Variants in RNF111 observed in about 807,000 individuals in gnomAD.
The protein encoded by RNF111 is ring finger protein 111.
Under a neutral mutation model 95.1 loss-of-function variants are expected in RNF111, and 17 were observed. The observed-to-expected ratio is 0.18, with a 90% CI of 0.12 to 0.27. The LOEUF is 0.27. Among genes scored for constraint, RNF111 ranks in the 10% least tolerant of loss-of-function variants. RNF111 has a pLI of 1.00. For synonymous variants in RNF111, 440 were observed against 414.8 expected (o/e 1.06, Z -0.74); for missense variants, 1,189 against 1,210.4 (o/e 0.98, Z 0.26).
chr15:59,036,394 T>C (rs1368973385), intron 2 of RNF111, among the ~76,000 whole-genome samples: 2 of 152,140 alleles, frequency 1.3e-5, no homozygotes, highest in Non-Finnish European at 2.9e-5. Context: ...AGAGGTTTAA[T>C]TGACTCACAG....
chr15:58,990,878 T>C (rs180921048), intron 1 of RNF111, among the ~76,000 whole-genome samples: 41 of 152,162 alleles, frequency 2.7e-4, no homozygotes, highest in African/African-American at 9.6e-4. Flanking sequence ...CATTTGAATG[T>C]CTTATACCTC....
intron 1 of RNF111, among the ~76,000 whole-genome samples, chr15:59,008,828 A>G (rs182544306): frequency 6.6e-6 from 1 of 152,292 alleles, no homozygotes; most frequent in East Asian, 1.9e-4. Context: ...GGTTTACACT[A>G]TGCATCTTTG....
chr15:59,074,722 A>C (rs1335588437), intron 6 of RNF111, among the ~76,000 whole-genome samples: 1 of 152,162 alleles, frequency 6.6e-6, no homozygotes, highest in Non-Finnish European at 1.5e-5. Flanking sequence ...TGTTCACTGG[A>C]GTGCTTTCAG....
intron 1 of RNF111, among the ~76,000 whole-genome samples, chr15:58,989,267 G>A (rs1347669272): frequency 2.6e-5 from 4 of 152,206 alleles, no homozygotes; most frequent in African/African-American, 7.2e-5. Flanking sequence ...AGATGGATAA[G>A]AAGGAAGCCC....
At chr15:59,023,538 A>G (rs1293795494) in intron 1 of RNF111, among the ~76,000 whole-genome samples, 1 of 152,082 alleles carries the variant, frequency 6.6e-6, no homozygotes, top group Non-Finnish European at 1.5e-5. Context: ...TTTTATTTAT[A>G]TATTTTTGGT....
rs2079149128 is a variant in RNF111 at position 59,094,772 on chromosome 15, G to A, written c.2844-11G>A. On this transcript the variant is annotated splice_polypyrimidine_tract_variant and intron_variant, in intron 13 of 13. Transcript: ENST00000348370. ...ATTAATTTTTGCTTTTTGTTTTCTT[G>A]CCAATAATAGACGTCTTCCATGTAT... 1 of 1,500,522 alleles carries A rather than the reference G, an allele frequency of 6.7e-7. No homozygotes were observed. Among genetic ancestry groups the A allele is most frequent in the South Asian group, 1.1e-5 (1 of 88,512 alleles). 93.0% of individuals were successfully genotyped at this position (1,500,522 alleles called of 1,614,324 possible). A position where few individuals can be genotyped will look rare whatever the true frequency, so the allele number is the denominator to read the frequency against.
At position 59,030,962 on chromosome 15, in the gene RNF111, A is replaced by G. The variant is rs149869910; in HGVS notation, c.140A>G (p.Lys47Arg). The change falls in exon 2 of 14, where the codon AAA becomes AGA. Residue 47 changes from lysine (K) to arginine (R), a missense_variant. By Grantham distance (26) the Lys-to-Arg change is conservative. This residue lies in a region of RNF111 where 1,024 missense variants were observed against 925.9 expected (regional missense o/e 1.11). Transcript: ENST00000348370. ...LLHPEPIGAA[K>R]SFPAGVEMIN... ...CATCCAGAGCCCATTGGGGCAGCCA[A>G]AAGTTTTCCTGCAGGAGTTGAGATG... The G allele has an allele frequency of 3.4e-4, 549 of 1,614,212 alleles. No individual in the cohort carries two copies. Among genetic ancestry groups the G allele is most frequent in the Non-Finnish European group, 4.3e-4 (511 of 1,180,032 alleles).
chr15:59,051,114 A>C (rs1271610321), intron 2 of RNF111, among the ~76,000 whole-genome samples: 1 of 152,218 alleles, frequency 6.6e-6, no homozygotes, highest in Non-Finnish European at 1.5e-5. Flanking sequence ...ATAAGGATGC[A>C]CTTTCCAAGT....
rs145457741 is a variant in RNF111, at chr15:59,031,367, A to G, written c.545A>G (p.His182Arg). The G allele has an allele frequency of 1.5e-5, 24 of 1,614,196 alleles. No individual in the cohort carries two copies. In the African/African-American group the frequency reaches 2.8e-4, roughly 19 times the overall value. Reference protein sequence around the residue: ...AKSRSHSARSHKWPRTETESV... With the variant: ...AKSRSHSARSRKWPRTETESV... ...AGTAGAAGCCATAGTGCACGGTCTC[A>G]TAAGTGGCCTCGGACTGAGACAGAA... Residue 182 changes from histidine (H) to arginine (R), a missense_variant, in exon 2 of 14, where the codon CAT becomes CGT. By Grantham distance (29) the His-to-Arg change is conservative. Coordinates refer to ENST00000348370, the MANE Select transcript of RNF111 (RefSeq NM_017610.8).
intron 7 of RNF111, among the ~76,000 whole-genome samples, chr15:59,078,905 T>G (rs1277891982): frequency 2.0e-5 from 3 of 151,790 alleles, no homozygotes; most frequent in Non-Finnish European, 4.4e-5. Context: ...TAAGGCTACT[T>G]ACGATTAATC....
intron 6 of RNF111, among the ~76,000 whole-genome samples, 198 bp downstream of exon 6, chr15:59,067,281 C>T (rs1298325184): frequency 2.0e-5 from 3 of 149,426 alleles, no homozygotes; most frequent in Admixed American, 1.3e-4. Flanking sequence ...TCCTTCCTTT[C>T]CTCTCTTCCC....
At chr15:58,991,170 T>C (rs1370594361) in intron 1 of RNF111, among the ~76,000 whole-genome samples, 2 of 151,834 alleles carry the variant, frequency 1.3e-5, no homozygotes, top group Non-Finnish European at 2.9e-5. Context: ...GGTGGTGGCA[T>C]GCGCCTGTAA....
intron 8 of RNF111, 30 bp from the exon 9 acceptor site, chr15:59,084,099 C>A: frequency 6.5e-7 from 1 of 1,540,934 alleles, no homozygotes. Context: ...CAATTATTTC[C>A]AGTGGTCTTT....
intron 1 of RNF111, among the ~76,000 whole-genome samples, chr15:59,011,202 C>T (rs1367303885): frequency 6.6e-6 from 1 of 152,124 alleles, no homozygotes; most frequent in East Asian, 1.9e-4. Flanking sequence ...ACTGTCTTAT[C>T]CTTCCTGGAA....
intron 1 of RNF111, among the ~76,000 whole-genome samples, chr15:59,028,234 CTTACA>C (rs1306020057): frequency 1.6e-4 from 24 of 152,192 alleles, no homozygotes; most frequent in Non-Finnish European, 3.1e-4. Flanking sequence ...TAAAGGGAAT[CTTACA>C]TTATGTTATC....
intron 10 of RNF111, among the ~76,000 whole-genome samples, chr15:59,087,591 AT>A (rs1208670750): frequency 2.0e-5 from 3 of 152,252 alleles, no homozygotes; most frequent in East Asian, 3.8e-4. Context: ...GTAGAAAAAA[AT>A]GTTAAGAAAA....
intron 3 of RNF111, among the ~76,000 whole-genome samples, chr15:59,054,966 C>A (rs1026831849): frequency 1.3e-5 from 2 of 152,152 alleles, no homozygotes; most frequent in Non-Finnish European, 2.9e-5. Context: ...CCCTGTATGT[C>A]CTTAGTCCAA....
At chr15:59,074,579 T>G (rs1215197438) in intron 6 of RNF111, among the ~76,000 whole-genome samples, 14 of 152,224 alleles carry the variant, frequency 9.2e-5, no homozygotes, top group Non-Finnish European at 2.9e-5. Flanking sequence ...TTCATAGAAT[T>G]GAAGAGTTAG....
chr15:59,046,300 C>T (rs775771288), intron 2 of RNF111, among the ~76,000 whole-genome samples: 6 of 150,138 alleles, frequency 4.0e-5, no homozygotes, highest in African/African-American at 1.5e-4. Context: ...CTAAGGTGAT[C>T]CTCCCACGTC....
Sources: gnomAD v4.1 joint callset for allele counts (sites outside exome capture counted in the v4.1 genomes callset) on GRCh38, gnomAD v4.1.1 for gene constraint, gnomAD v4.1.1 regional missense constraint, MANE v1.5 for transcripts, NCBI Gene and HGNC (gene_info 2026-07-23, HGNC 2026-07-21) for gene names.